The following NUP210 variants were observed in gnomAD, a reference collection of about 807,000 sequenced individuals.
NUP210 encodes nucleoporin 210.
A neutral mutation model predicts 196.0 loss-of-function variants in NUP210; 151 were observed. The observed-to-expected ratio is 0.77, with a 90% confidence interval of 0.67 to 0.88. The LOEUF is 0.88. Ranked by LOEUF, NUP210 falls within the 40% of genes least tolerant of loss-of-function variation. The pLI is 0.00. For missense variants in NUP210, 2,314 were observed against 2,493.7 expected (o/e 0.93, Z 1.53); for synonymous variants, 1,070 against 1,052.7 (o/e 1.02, Z -0.32).
At chr3:13,391,440 T>C in intron 3 of NUP210, 133 bp from the exon 4 acceptor site, 2 of 656,586 alleles carry the variant, frequency 3.0e-6, no homozygotes, top group Admixed American at 2.2e-5. Flanking sequence ...TGTCATAAAC[T>C]GTATGTCAGG....
In NUP210 at chr3:13,375,640, T is replaced by C. The variant is rs1406779719; in HGVS notation, c.1295A>G (p.Asp432Gly). ...DAALTSVVDQ[D>G]GGVHILQVPV... ...CACCTGTAGTATGTGGACCCCTCCA[T>C]CCTACAAGGGGTGAGGGTGCCACAC... Residue 432 changes from aspartate (D) to glycine (G), a missense_variant and splice_region_variant, in exon 11 of 40, where the codon GAT (aspartate) becomes GGT (glycine). Transcript: ENST00000254508. 4.3e-6 allele frequency: 7 copies of C among 1,613,306 alleles called. No homozygotes were observed. In the East Asian group the frequency reaches 1.1e-4, roughly 26 times the overall value.
chr3:13,318,300 G>A (rs1342166684), intron 39 of NUP210, among the ~76,000 whole-genome samples: 2 of 152,206 alleles, frequency 1.3e-5, no homozygotes, highest in African/African-American at 2.4e-5. Context: ...CCGAGCACCC[G>A]TGGCCTCCCC....
rs558889209 is a variant in NUP210 at position 13,335,312 on chromosome 3, C to T, written c.3843+142G>A. On this transcript the variant is annotated intron_variant, in intron 28 of 39. Coordinates refer to ENST00000254508, the MANE Select transcript of NUP210 (RefSeq NM_024923.4). The stretch of plus-strand genomic sequence containing the variant: ...TCACACCCGGATGTTTACCCCACTG[C>T]GATGGACCACTGTCATCCCCACGGA... The T allele has an allele frequency of 8.8e-4, 857 of 972,158 alleles. 4 individuals are homozygous for T. In the African/African-American group the frequency reaches 0.01, roughly 11 times the overall value. The allele number at this position is 972,158 out of a possible 1,614,324, so 60.2% of individuals were successfully genotyped here.
intron 26 of NUP210, 27 bp from the exon 27 acceptor site, chr3:13,336,945 A>G (rs1697241388): frequency 3.1e-6 from 5 of 1,611,784 alleles, no homozygotes; most frequent in Non-Finnish European, 2.5e-6. Flanking sequence ...AGGCCCAGTG[A>G]GCAGTAGCTC....
intron 8 of NUP210, 93 bp downstream of exon 8, chr3:13,378,819 T>C: frequency 1.0e-6 from 1 of 963,126 alleles, no homozygotes; most frequent in African/African-American, 1.6e-5. Flanking sequence ...GAGGGAAGCA[T>C]TTTCTGTGGA....
intron 5 of NUP210, among the ~76,000 whole-genome samples, chr3:13,387,800 T>A (rs1699324700): frequency 6.6e-6 from 1 of 152,148 alleles, no homozygotes; most frequent in Non-Finnish European, 1.5e-5. Flanking sequence ...AAGAATGGGA[T>A]GCTGGTGAGG....
intron 14 of NUP210, among the ~76,000 whole-genome samples, chr3:13,365,282 C>A (rs1008212315): frequency 6.6e-6 from 1 of 152,220 alleles, no homozygotes; most frequent in Non-Finnish European, 1.5e-5. Flanking sequence ...GTGAGCTCAG[C>A]AAATCCTCAT....
intron 33 of NUP210, among the ~76,000 whole-genome samples, chr3:13,325,230 C>T (rs2124834139): frequency 6.6e-6 from 1 of 152,356 alleles, no homozygotes; most frequent in East Asian, 1.9e-4. Context: ...TGTATTGTCA[C>T]AGGATGCCTC....
intron 10 of NUP210, 105 bp downstream of exon 10, chr3:13,376,186 G>C: frequency 8.7e-7 from 1 of 1,152,888 alleles, no homozygotes; most frequent in Non-Finnish European, 1.3e-6. Context: ...AAGGGATGCA[G>C]GTGGCCCAAC....
intron 4 of NUP210, among the ~76,000 whole-genome samples, chr3:13,390,111 G>T (rs993015105): frequency 6.6e-6 from 1 of 152,158 alleles, no homozygotes; most frequent in Admixed American, 6.5e-5. Flanking sequence ...CTCGAGTAAG[G>T]TCTGAAGACG....
At chr3:13,320,467 A>G (rs1470170520) in intron 36 of NUP210, among the ~76,000 whole-genome samples, 2 of 151,812 alleles carry the variant, frequency 1.3e-5, no homozygotes, top group African/African-American at 4.8e-5. Context: ...CCCTGTCTCT[A>G]TTAAAAAAAC....
At chr3:13,358,117 G>C (rs930092986) in intron 16 of NUP210, 105 bp downstream of exon 16, 4 of 1,009,508 alleles carry the variant, frequency 4.0e-6, no homozygotes, top group Admixed American at 2.3e-5. Context: ...GTGCAGCGTG[G>C]AGCTATGTCC....
chr3:13,345,859 G>C (rs147704751), intron 20 of NUP210, among the ~76,000 whole-genome samples: 1 of 152,248 alleles, frequency 6.6e-6, no homozygotes, highest in Non-Finnish European at 1.5e-5. Context: ...ATTACAGAGA[G>C]TAATGACAGC....
chr3:13,349,454 G>A (rs376118172), intron 20 of NUP210, among the ~76,000 whole-genome samples: 4 of 152,174 alleles, frequency 2.6e-5, no homozygotes, highest in African/African-American at 4.8e-5. Flanking sequence ...CCTTGGGTGC[G>A]GCACCCGTGA....
At chr3:13,396,920 G>T (rs13066326) in intron 3 of NUP210, among the ~76,000 whole-genome samples, 41,089 of 152,022 alleles carry the variant, frequency 0.27, 6,055 homozygotes, top group Middle Eastern at 0.34. Context: ...CCACAAACAT[G>T]CTCTGAGGTC....
At chr3:13,412,935 C>T (rs1191371581) in intron 1 of NUP210, among the ~76,000 whole-genome samples, 1 of 151,866 alleles carries the variant, frequency 6.6e-6, no homozygotes, top group Non-Finnish European at 1.5e-5. Flanking sequence ...CAGGCCACTG[C>T]ACTCCAACCT....
chr3:13,419,054 C>T (rs1482537394), intron 1 of NUP210, among the ~76,000 whole-genome samples: 2 of 151,784 alleles, frequency 1.3e-5, no homozygotes, highest in East Asian at 1.9e-4. Flanking sequence ...CTTACATACA[C>T]GCACAGACTA....
intron 20 of NUP210, among the ~76,000 whole-genome samples, chr3:13,343,508 C>G (rs1291918681): frequency 6.6e-6 from 1 of 152,246 alleles, no homozygotes; most frequent in African/African-American, 2.4e-5. Flanking sequence ...CACCTCTCGT[C>G]ATGAGCCCCA....
chr3:13,327,783 T>C (rs937229435), intron 31 of NUP210, among the ~76,000 whole-genome samples: 3 of 152,238 alleles, frequency 2.0e-5, no homozygotes, highest in African/African-American at 4.8e-5. Context: ...GAACTGGACA[T>C]GCCAGAAAGG....
Sources: gnomAD v4.1 joint callset for allele counts (sites outside exome capture counted in the v4.1 genomes callset) on GRCh38, gnomAD v4.1.1 for gene constraint, MANE v1.5 for transcripts, NCBI Gene and HGNC (gene_info 2026-07-23, HGNC 2026-07-21) for gene names.